The following TGFA variants were observed in gnomAD, a reference collection of about 807,000 sequenced individuals.
The protein encoded by TGFA is protransforming growth factor alpha.
TGFA carries 12 observed loss-of-function variants against 21.7 expected under a neutral mutation model. That is an observed-to-expected ratio of 0.55 (90% CI 0.35 to 0.90). TGFA has a LOEUF of 0.90. Among genes scored for constraint, TGFA ranks in the 40% least tolerant of loss-of-function variants. TGFA has a pLI of 0.01. For synonymous variants in TGFA, 79 were observed against 88.1 expected (o/e 0.90, Z 0.58); for missense variants, 178 against 210.8 (o/e 0.84, Z 0.96).
chr2:70,484,606 C>T (rs1553496301), intron 2 of TGFA, among the ~76,000 whole-genome samples: 1 of 152,194 alleles, frequency 6.6e-6, no homozygotes, highest in Non-Finnish European at 1.5e-5. Flanking sequence ...GTGCTACCCA[C>T]CCTTCCATCC....
chr2:70,492,464 C>T (rs1481581747), intron 2 of TGFA, among the ~76,000 whole-genome samples: 1 of 152,144 alleles, frequency 6.6e-6, no homozygotes, highest in Non-Finnish European at 1.5e-5. Context: ...CTCACCATCG[C>T]CAGGCAAACA....
intron 1 of TGFA, among the ~76,000 whole-genome samples, chr2:70,540,366 C>T (rs376376959): frequency 2.6e-5 from 4 of 152,260 alleles, no homozygotes; most frequent in South Asian, 2.1e-4. Context: ...AACAGAAACT[C>T]GACAGACAGA....
intron 2 of TGFA, among the ~76,000 whole-genome samples, chr2:70,512,533 A>G (rs1487264378): frequency 1.3e-5 from 2 of 152,216 alleles, no homozygotes. Flanking sequence ...TTTTCTGACC[A>G]CATGTCACAA....
intron 1 of TGFA, among the ~76,000 whole-genome samples, chr2:70,542,798 G>A (rs375696126): frequency 4.6e-5 from 7 of 152,154 alleles, no homozygotes; most frequent in Admixed American, 2.6e-4. Flanking sequence ...TGGTCTTATG[G>A]GAACACTGTT....
chr2:70,548,514 CTTCAAGGG>C (rs1460819894), intron 1 of TGFA, among the ~76,000 whole-genome samples: 1 of 152,212 alleles, frequency 6.6e-6, no homozygotes, highest in Non-Finnish European at 1.5e-5. Context: ...GCAGCAAATA[CTTCAAGGG>C]TACAAATGCG....
At chr2:70,549,345 A>T (rs988066368) in intron 1 of TGFA, among the ~76,000 whole-genome samples, 5 of 152,202 alleles carry the variant, frequency 3.3e-5, no homozygotes, top group South Asian at 2.1e-4. Context: ...GCAATTGGTT[A>T]AGCCAAAAGT....
intron 2 of TGFA, among the ~76,000 whole-genome samples, chr2:70,466,345 A>C (rs995961228): frequency 6.6e-6 from 1 of 152,158 alleles, no homozygotes; most frequent in African/African-American, 2.4e-5. Context: ...GTCTCTACTA[A>C]AAATACAAAA....
At chr2:70,461,880 C>A (rs1327945339) in intron 3 of TGFA, among the ~76,000 whole-genome samples, 4 of 152,192 alleles carry the variant, frequency 2.6e-5, no homozygotes, top group African/African-American at 9.7e-5. Flanking sequence ...CTAGTTTTCA[C>A]CACCTTTGGC....
At chr2:70,518,713 C>T (rs1241423983) in intron 1 of TGFA, among the ~76,000 whole-genome samples, 1 of 152,216 alleles carries the variant, frequency 6.6e-6, no homozygotes, top group African/African-American at 2.4e-5. Context: ...TCATCATCAA[C>T]CACCCATTGG....
At chr2:70,528,877 C>T (rs1381301362) in intron 1 of TGFA, among the ~76,000 whole-genome samples, 1 of 152,180 alleles carries the variant, frequency 6.6e-6, no homozygotes, top group Non-Finnish European at 1.5e-5. Context: ...TAAAATGAAG[C>T]TACAGCTACA....
chr2:70,507,030 A>G (rs1215838401), intron 2 of TGFA, among the ~76,000 whole-genome samples: 2 of 152,220 alleles, frequency 1.3e-5, no homozygotes, highest in Non-Finnish European at 2.9e-5. Flanking sequence ...GCTGGGGACA[A>G]CTCATCCAGA....
chr2:70,488,129 G>T (rs1671322961), intron 2 of TGFA, among the ~76,000 whole-genome samples: 1 of 151,718 alleles, frequency 6.6e-6, no homozygotes, highest in African/African-American at 2.4e-5. Context: ...TATATCTTTT[G>T]CCTACTTTTC....
At chr2:70,546,680 G>A (rs1673315930) in intron 1 of TGFA, among the ~76,000 whole-genome samples, 1 of 151,658 alleles carries the variant, frequency 6.6e-6, no homozygotes, top group Non-Finnish European at 1.5e-5. Flanking sequence ...ATTGTGGGGA[G>A]TATCTCACTG....
intron 2 of TGFA, among the ~76,000 whole-genome samples, chr2:70,512,996 C>T (rs1672152288): frequency 6.6e-6 from 1 of 152,158 alleles, no homozygotes; most frequent in East Asian, 1.9e-4. Context: ...GCACAGGACT[C>T]CATCTCCCCC....
intron 4 of TGFA, among the ~76,000 whole-genome samples, chr2:70,456,089 G>C (rs1366112509): frequency 1.3e-5 from 2 of 152,240 alleles, no homozygotes; most frequent in Non-Finnish European, 2.9e-5. Context: ...CATGCCTTTG[G>C]TTCTGCACTG....
chr2:70,539,878 G>A (rs1553505030), intron 1 of TGFA, among the ~76,000 whole-genome samples: 1 of 152,148 alleles, frequency 6.6e-6, no homozygotes, highest in Non-Finnish European at 1.5e-5. Context: ...CCCGTGCCAG[G>A]TGTGGTCTGT....
At chr2:70,489,934 CA>C (rs149499558) in intron 2 of TGFA, among the ~76,000 whole-genome samples, 2,088 of 152,314 alleles carry the variant, frequency 0.014, 19 homozygotes, top group Non-Finnish European at 0.02. Flanking sequence ...TACCGCCTTT[CA>C]ATCTTCCACA....
At chr2:70,501,920 T>C (rs974836989) in intron 2 of TGFA, among the ~76,000 whole-genome samples, 1 of 152,246 alleles carries the variant, frequency 6.6e-6, no homozygotes, top group Non-Finnish European at 1.5e-5. Context: ...AAAGGGCTTC[T>C]GTGGAGCAAG....
intron 2 of TGFA, among the ~76,000 whole-genome samples, chr2:70,481,498 T>C (rs1355159080): frequency 6.6e-6 from 1 of 152,218 alleles, no homozygotes; most frequent in African/African-American, 2.4e-5. Context: ...TTCCCATTTC[T>C]ATAGTCAGCC....
Sources: allele counts gnomAD v4.1 joint callset (sites outside exome capture counted in the v4.1 genomes callset), GRCh38; gene constraint gnomAD v4.1.1; transcripts MANE v1.5; gene names NCBI Gene and HGNC (gene_info 2026-07-23, HGNC 2026-07-21).